RBBP8: variants seen among roughly 807,000 people sequenced by gnomAD.
RBBP8 encodes RB binding protein 8, endonuclease, also known as DNA endonuclease RBBP8.
Under a neutral mutation model 108.3 loss-of-function variants are expected in RBBP8, and 88 were observed. The observed-to-expected ratio is 0.81, with a 90% CI of 0.68 to 0.97. The LOEUF (loss-of-function observed/expected upper bound fraction) is 0.97, where lower values mean the gene tolerates loss of function less well. Ranked by LOEUF, RBBP8 falls within the 50% of genes least tolerant of loss-of-function variation. The pLI is 0.00. For missense variants in RBBP8, 1,023 were observed against 1,049.0 expected (o/e 0.98, Z 0.34); for synonymous variants, 332 against 348.2 (o/e 0.95, Z 0.52).
rs1268603318 is a variant in RBBP8, at chr18:22,992,837, A to G, written c.1010A>G (p.Lys337Arg). Residue 337 changes from lysine (K) to arginine (R), a missense_variant, in exon 11 of 19, where the codon AAA (lysine) becomes AGA (arginine). Physicochemically the swap from Lys to Arg is conservative, Grantham distance 26. Coordinates refer to ENST00000327155, the MANE Select transcript of RBBP8 (RefSeq NM_002894.3). Reference protein sequence around the residue: ...SPVFGATSSIKSGLDLNTSLS... With the variant: ...SPVFGATSSIRSGLDLNTSLS... ...GTATTTGGAGCTACCTCTAGTATCA[A>G]AAGTGGTTTAGATTTGAATACAAGT... 2.5e-6 allele frequency: 4 copies of G among 1,613,204 alleles called. No homozygotes were observed. The highest frequency in any genetic ancestry group is 1.3e-5 in the African/African-American group (1 of 75,030).
chr18:22,924,396 G>T (rs1909715113), intron 3 of RBBP8, among the ~76,000 whole-genome samples: 1 of 152,166 alleles, frequency 6.6e-6, no homozygotes, highest in Admixed American at 6.5e-5. Context: ...CAAAGTGCTG[G>T]GATTACAGGC....
chr18:22,924,603 T>C (rs886772649), intron 3 of RBBP8, among the ~76,000 whole-genome samples: 4 of 152,110 alleles, frequency 2.6e-5, no homozygotes, highest in African/African-American at 9.7e-5. Context: ...TTTTATTTTT[T>C]ATAGAAACAA....
intron 13 of RBBP8, among the ~76,000 whole-genome samples, 170 bp downstream of exon 13, chr18:22,996,632 A>C (rs1395086878): frequency 6.6e-6 from 1 of 152,236 alleles, no homozygotes; most frequent in African/African-American, 2.4e-5. Flanking sequence ...TTCTAACTTT[A>C]TGGTATTTTT....
chr18:22,994,044 G>A (rs1415337494), intron 12 of RBBP8, among the ~76,000 whole-genome samples, 197 bp downstream of exon 12: 18 of 92,428 alleles, frequency 1.9e-4, no homozygotes, highest in African/African-American at 6.5e-4. Context: ...TTTTTGAGAC[G>A]GAGTCTCGCT....
At chr18:22,947,735 T>C (rs1419060996) in intron 3 of RBBP8, among the ~76,000 whole-genome samples, 2 of 152,110 alleles carry the variant, frequency 1.3e-5, no homozygotes, top group Non-Finnish European at 2.9e-5. Flanking sequence ...ATTGCATGAC[T>C]CTTTTTGCAC....
At chr18:22,921,601 A>C (rs1909598061) in intron 3 of RBBP8, among the ~76,000 whole-genome samples, 1 of 152,072 alleles carries the variant, frequency 6.6e-6, no homozygotes, top group African/African-American at 2.4e-5. Flanking sequence ...TTAGTTTTAT[A>C]ATTCTAATAC....
intron 4 of RBBP8, among the ~76,000 whole-genome samples, chr18:22,958,411 T>C (rs985101367): frequency 2.2e-4 from 33 of 152,266 alleles, no homozygotes; most frequent in African/African-American, 7.7e-4. Context: ...AATTATGTTA[T>C]GATAATGACT....
At chr18:23,010,417 C>A (rs185949249) in intron 16 of RBBP8, among the ~76,000 whole-genome samples, 12 of 152,032 alleles carry the variant, frequency 7.9e-5, no homozygotes, top group African/African-American at 2.7e-4. Context: ...GCCTGGGCAA[C>A]ACAGTGAGAC....
At chr18:22,946,601 T>G (rs1032098652) in intron 3 of RBBP8, 115 bp downstream of exon 3, 7 of 1,458,416 alleles carry the variant, frequency 4.8e-6, no homozygotes, top group Admixed American at 2.3e-5. Flanking sequence ...TAATGTCTTA[T>G]TTATAAAAAA....
At chr18:22,966,177 A>G (rs980701774) in intron 4 of RBBP8, among the ~76,000 whole-genome samples, 1 of 151,812 alleles carries the variant, frequency 6.6e-6, no homozygotes, top group Non-Finnish European at 1.5e-5. Context: ...CTTTACTGTA[A>G]TTTTATGAGA....
Position 22,993,170 on chromosome 18 carries a change from A to G in RBBP8, c.1343A>G (p.Lys448Arg). The G allele has an allele frequency of 6.2e-7, 1 of 1,614,188 alleles. No homozygotes were observed. The highest frequency in any genetic ancestry group is 8.5e-7 in the Non-Finnish European group (1 of 1,180,024). Residue 448 changes from lysine (K) to arginine (R), a missense_variant, in exon 11 of 19, where the codon AAG (lysine) becomes AGG (arginine). Physicochemically the swap from Lys to Arg is conservative, Grantham distance 26. Coordinates refer to ENST00000327155, the MANE Select transcript of RBBP8 (RefSeq NM_002894.3). ...KSLGGRTSKRKKTEEESEHEV... is the reference protein window; with the variant it reads ...KSLGGRTSKRRKTEEESEHEV... Reference sequence around the variant, plus strand: ...TTGGGAGGCCGAACATCCAAAAGGAAGAAAACTGAGGAAGAAAGTGAACAT... The same window carrying G: ...TTGGGAGGCCGAACATCCAAAAGGAGGAAAACTGAGGAAGAAAGTGAACAT...
intron 4 of RBBP8, among the ~76,000 whole-genome samples, chr18:22,963,783 T>C (rs55741201): frequency 0.16 from 23,816 of 152,174 alleles, 2,356 homozygotes; most frequent in African/African-American, 0.28. Context: ...GTAGACATAG[T>C]AGTATAACCA....
chr18:23,008,843 G>C lies in RBBP8; in HGVS notation c.2357+2411G>C, dbSNP rs189461937. On this transcript the variant is annotated intron_variant, in intron 16 of 18. Transcript: ENST00000327155. ...GGCTGGAGTGCAGTGGCACAATCTC[G>C]GCTCACTGCAAGCTCTGCCTCCTGG... Among the ~76,000 whole-genome samples the C allele has an allele frequency of 5.5e-3, 731 of 134,120 alleles. 5 individuals are homozygous for C. Among genetic ancestry groups the C allele is most frequent in the South Asian group, 0.013 (58 of 4,334 alleles). The allele number at this position is 134,120 out of a possible 152,430, so 88.0% of individuals were successfully genotyped here. A position where few individuals can be genotyped will look rare whatever the true frequency, so the allele number is the denominator to read the frequency against.
chr18:23,022,706 T>C (rs1400414956), intron 18 of RBBP8, among the ~76,000 whole-genome samples: 1 of 150,886 alleles, frequency 6.6e-6, no homozygotes, highest in Non-Finnish European at 1.5e-5. Flanking sequence ...CATGCACCTT[T>C]TTTTCTGTGA....
chr18:22,946,047 GC>G (rs1401149456), intron 2 of RBBP8, among the ~76,000 whole-genome samples: 1 of 152,290 alleles, frequency 6.6e-6, no homozygotes, highest in East Asian at 1.9e-4. Flanking sequence ...AAGGAATTTT[GC>G]TACTAGTCCA....
intron 2 of RBBP8, among the ~76,000 whole-genome samples, chr18:22,938,311 T>C (rs1910756841): frequency 6.6e-6 from 1 of 152,030 alleles, no homozygotes; most frequent in Non-Finnish European, 1.5e-5. Context: ...GTTTTTGTTT[T>C]TGTTTTTTTT....
At position 22,992,754 on chromosome 18, in the gene RBBP8, A is replaced by G. The variant is rs370136343; in HGVS notation, c.927A>G (p.Ser309=). 1.3e-4 allele frequency: 203 copies of G among 1,583,366 alleles called. No homozygotes were observed. Among genetic ancestry groups the G allele is most frequent in the Non-Finnish European group, 1.7e-4 (192 of 1,152,564 alleles). The change falls in exon 11 of 19, where the codon TCA becomes TCG. Residue 309 remains serine, a synonymous_variant. Coordinates refer to ENST00000327155, the MANE Select transcript of RBBP8 (RefSeq NM_002894.3). Reference sequence around the variant, plus strand: ...GTTATCACTCTTTATTTAGATTTTCAGATTCTACTTCAAAGACTCCTCCTC... The same window carrying G: ...GTTATCACTCTTTATTTAGATTTTCGGATTCTACTTCAAAGACTCCTCCTC... ...TRNTEDSLRF[S]DSTSKTPPQE... is the part of the protein sequence containing the mutation.
intron 8 of RBBP8, 71 bp from the exon 9 acceptor site, chr18:22,989,150 T>C: frequency 1.9e-6 from 2 of 1,041,684 alleles, no homozygotes; most frequent in Non-Finnish European, 2.9e-6. Context: ...GTCATTTTAA[T>C]GTGTCTAGCT....
chr18:22,989,537 T>C (rs1048065215), intron 9 of RBBP8, among the ~76,000 whole-genome samples: 2 of 152,188 alleles, frequency 1.3e-5, no homozygotes, highest in South Asian at 4.1e-4. Flanking sequence ...AGTCAAAATT[T>C]AGGGGAGTAA....
Sources: allele counts gnomAD v4.1 joint callset (sites outside exome capture counted in the v4.1 genomes callset), GRCh38; gene constraint gnomAD v4.1.1; transcripts MANE v1.5; gene names NCBI Gene and HGNC (gene_info 2026-07-23, HGNC 2026-07-21).